Variants in SLC16A13 observed in about 807,000 individuals in gnomAD.
The protein encoded by SLC16A13 is monocarboxylate transporter 13.
SLC16A13 carries 28 observed loss-of-function variants against 28.1 expected under a neutral mutation model. The ratio of observed to expected loss-of-function variants is 1.00; its 90% CI spans 0.74 to 1.37. The LOEUF (loss-of-function observed/expected upper bound fraction) is 1.37. Ranked by LOEUF, SLC16A13 falls within the 40% of genes most tolerant of loss-of-function variation. The pLI is 0.00. For missense variants in SLC16A13, 482 were observed against 531.8 expected (o/e 0.91, Z 0.92); for synonymous variants, 228 against 241.6 (o/e 0.94, Z 0.52).
In SLC16A13 at chr17:7,038,703, C is replaced by A. The variant is rs367570030; in HGVS notation, c.895C>A (p.Pro299Thr). The change falls in exon 3 of 4, where the codon CCT becomes ACT. Residue 299 changes from proline to threonine, a missense_variant. Physicochemically the swap from Pro to Thr is conservative, Grantham distance 38. Transcript: ENST00000308027. This position sits in a 1 kb window ranked among gnomAD's most constrained non-coding sequence, Gnocchi z 5.7. ...TLTGVSLALF[P>T]VAQAPTALVA... ...GACTGGGGTGTCACTAGCCCTGTTC[C>A]CTGTAGCTCAGGCTCCCACAGCCCT... The A allele has an allele frequency of 1.2e-4, 190 of 1,614,072 alleles. No homozygotes were observed. The highest frequency in any genetic ancestry group is 1.6e-4 in the Non-Finnish European group (184 of 1,180,036).
Position 7,036,204 on chromosome 17 carries a change from G to T in SLC16A13, c.-179G>T. On this transcript the variant is annotated 5_prime_UTR_variant, in exon 1 of 4. Coordinates refer to ENST00000308027, the MANE Select transcript of SLC16A13 (RefSeq NM_201566.3). Reference sequence around the variant, plus strand: ...CAGGTCTTCAGTCCTATATCGCCCCGCCTTGGGAAAAGGTGCAGGGGCCTC... The same window carrying T: ...CAGGTCTTCAGTCCTATATCGCCCCTCCTTGGGAAAAGGTGCAGGGGCCTC... 1 of 628,798 alleles carries T rather than the reference G, an allele frequency of 1.6e-6. No homozygotes were observed. Among genetic ancestry groups the T allele is most frequent in the Non-Finnish European group, 2.7e-6 (1 of 365,968 alleles). The allele number at this position is 628,798 out of a possible 1,614,324, so 39.0% of individuals were successfully genotyped here.
rs1567731889 is a variant in SLC16A13 at position 7,036,409 on chromosome 17, C to A, written c.27C>A (p.Asp9Glu). MARRTEPP[D>E]GGWGWVVVLS... is the part of the protein sequence containing the mutation. The stretch of plus-strand genomic sequence containing the variant: ...TGGCGCGCAGGACAGAGCCCCCCGA[C>A]GGGGGCTGGGGATGGGTGGTGGTGC... The change falls in exon 1 of 4, where the codon GAC becomes GAA. Residue 9 changes from aspartate (D) to glutamate (E), a missense_variant. Coordinates refer to ENST00000308027, the MANE Select transcript of SLC16A13 (RefSeq NM_201566.3). 1 of 1,611,482 alleles carries A rather than the reference C, an allele frequency of 6.2e-7. No homozygotes were observed. The highest frequency in any genetic ancestry group is 8.5e-7 in the Non-Finnish European group (1 of 1,179,796).
intron 1 of SLC16A13, 44 bp from the exon 2 acceptor site, chr17:7,036,683 G>T (rs776125641): frequency 3.7e-6 from 6 of 1,606,940 alleles, no homozygotes; most frequent in Admixed American, 3.3e-5. Flanking sequence ...TGCTGGGGGG[G>T]AGACCCCTGA....
rs1367676514 is a variant in SLC16A13, at chr17:7,038,454, T to C, written c.646T>C (p.Phe216Leu). ...QLTSLLHHGP[F>L]LRYTVALTLI... ...CACCTCTCTCCTCCATCATGGCCCC[T>C]TCCTCCGTTACACTGTTGCCCTCAC... is the stretch of plus-strand genomic sequence containing the variant. The change falls in exon 3 of 4, where the codon TTC becomes CTC. Residue 216 changes from phenylalanine (F) to leucine (L), a missense_variant. By Grantham distance (22) the Phe-to-Leu change is conservative. Coordinates refer to ENST00000308027, the MANE Select transcript of SLC16A13 (RefSeq NM_201566.3). The surrounding 1 kb of genome is among the most constrained non-coding windows in gnomAD (Gnocchi z 5.7). 5 of 1,613,848 alleles carry C rather than the reference T, an allele frequency of 3.1e-6. No homozygotes were observed. Among genetic ancestry groups the C allele is most frequent in the Non-Finnish European group, 4.2e-6 (5 of 1,179,884 alleles).
rs1910586375 is a variant in SLC16A13, at chr17:7,036,593, G to T, written c.199+12G>T. ...GCAGCAGTTTGGGAGTGAGTGCGGC[G>T]CCTGGATCTGGCGGACTGCGACCCT... On this transcript the variant is annotated intron_variant, in intron 1 of 3. Coordinates refer to ENST00000308027, the MANE Select transcript of SLC16A13 (RefSeq NM_201566.3). 6.2e-7 allele frequency: 1 copy of T among 1,612,144 alleles called. No individual in the cohort carries two copies. The highest frequency in any genetic ancestry group is 8.5e-7 in the Non-Finnish European group (1 of 1,179,990).
Position 7,039,999 on chromosome 17 carries a change from C to T in SLC16A13, c.*37C>T. 6.3e-7 allele frequency: 1 copy of T among 1,584,356 alleles called. No homozygotes were observed. Among genetic ancestry groups the T allele is most frequent in the African/African-American group, 1.3e-5 (1 of 74,484 alleles). ...TCAGGCCCAGAAAGCCAAAGCTTGACAGCTCCAGGTCTTCTCTTGCCACGT... is the reference window on the plus strand; with the variant it reads ...TCAGGCCCAGAAAGCCAAAGCTTGATAGCTCCAGGTCTTCTCTTGCCACGT... On this transcript the variant is annotated 3_prime_UTR_variant, in exon 4 of 4. Transcript: ENST00000308027. The surrounding 1 kb of genome is among the most constrained non-coding windows in gnomAD (Gnocchi z 4.3).
Position 7,036,387 on chromosome 17 carries a change from C to G in SLC16A13, c.5C>G (p.Ala2Gly), listed in dbSNP as rs762782545. Reference protein sequence around the residue: MARRTEPPDGGW... With the variant: MGRRTEPPDGGW... ...AGCAGCCCTGTTACCGCTTAGATGG[C>G]GCGCAGGACAGAGCCCCCCGACGGG... Residue 2 changes from alanine (A) to glycine (G), a missense_variant, in exon 1 of 4, where the codon GCG becomes GGG. Ala to Gly is a moderately conservative substitution (Grantham distance 60, BLOSUM62 0). Transcript: ENST00000308027. 13 of 1,605,072 alleles carry G rather than the reference C, an allele frequency of 8.1e-6. No homozygotes were observed. In the African/African-American group the frequency reaches 1.5e-4, roughly 18 times the overall value.
rs1161404937 is a variant in SLC16A13, at chr17:7,039,035, A to G, written c.1081+146A>G. 9.3e-7 allele frequency: 1 copy of G among 1,072,046 alleles called. No individual in the cohort carries two copies. The highest frequency in any genetic ancestry group is 1.3e-6 in the Non-Finnish European group (1 of 770,208). 66.4% of individuals were successfully genotyped at this position (1,072,046 alleles called of 1,614,324 possible). ...CGTGGCCAACCATAGCATCCCTGAA[A>G]TGGGTCCATGGGGCAAAGAACTTGG... is the stretch of plus-strand genomic sequence containing the variant. On this transcript the variant is annotated intron_variant, in intron 3 of 3. Transcript: ENST00000308027. The surrounding 1 kb of genome is among the most constrained non-coding windows in gnomAD (Gnocchi z 4.3).
Position 7,036,360 on chromosome 17 carries a change from G to A in SLC16A13, c.-23G>A. 1.3e-6 allele frequency: 2 copies of A among 1,590,646 alleles called. No homozygotes were observed. Among genetic ancestry groups the A allele is most frequent in the South Asian group, 1.1e-5 (1 of 89,516 alleles). On this transcript the variant is annotated 5_prime_UTR_variant, in exon 1 of 4. Coordinates refer to ENST00000308027, the MANE Select transcript of SLC16A13 (RefSeq NM_201566.3). ...CCGGCTCCTGCAGAGGCTCTGGGTG[G>A]CAGCAGCCCTGTTACCGCTTAGATG...
At position 7,038,178 on chromosome 17, in the gene SLC16A13, C is replaced by T. The variant is rs866889554; in HGVS notation, c.370C>T (p.Pro124Ser). 1 of 1,613,684 alleles carries T rather than the reference C, an allele frequency of 6.2e-7. No homozygotes were observed. Among genetic ancestry groups the T allele is most frequent in the Non-Finnish European group, 8.5e-7 (1 of 1,179,868 alleles). The change falls in exon 3 of 4, where the codon CCG becomes TCG. Residue 124 changes from proline to serine, a missense_variant. Physicochemically the swap from Pro to Ser is moderately conservative, Grantham distance 74. Coordinates refer to ENST00000308027, the MANE Select transcript of SLC16A13 (RefSeq NM_201566.3). This position sits in a 1 kb window ranked among gnomAD's most constrained non-coding sequence, Gnocchi z 5.7. ...CTCTGGCTGGGCTTTGACCTTCGCT[C>T]CGACCCTGGCCTGCCTGTCCTGTTA... ...SGSGWALTFA[P>S]TLACLSCYFS...
rs902509441 is a variant in SLC16A13 at position 7,036,458 on chromosome 17, C to T, written c.76C>T (p.Leu26Phe). 1.1e-5 allele frequency: 17 copies of T among 1,612,224 alleles called. 1 individual carries two copies. Among genetic ancestry groups the T allele is most frequent in the Admixed American group, 5.0e-5 (3 of 60,014 alleles). Residue 26 changes from leucine to phenylalanine, a missense_variant, in exon 1 of 4, where the codon CTT becomes TTT. By Grantham distance (22) the Leu-to-Phe change is conservative (BLOSUM62 0). Transcript: ENST00000308027. ...GCTCTCAGCGTTCTTCCAGTCGGCGCTTGTGTTTGGGGTGCTCCGCTCCTT... is the reference window on the plus strand; with the variant it reads ...GCTCTCAGCGTTCTTCCAGTCGGCGTTTGTGTTTGGGGTGCTCCGCTCCTT... ...VVLSAFFQSA[L>F]VFGVLRSFGV...
rs1355287946 is a variant in SLC16A13 at position 7,038,409 on chromosome 17, G to A, written c.601G>A (p.Gly201Ser). The change falls in exon 3 of 4, where the codon GGT (glycine) becomes AGT (serine). Residue 201 changes from glycine to serine, a missense_variant. Coordinates refer to ENST00000308027, the MANE Select transcript of SLC16A13 (RefSeq NM_201566.3). This position sits in a 1 kb window ranked among gnomAD's most constrained non-coding sequence, Gnocchi z 5.7. Reference sequence around the variant, plus strand: ...CTCCCTGGCTGAGGACCCTGCTGTGGGTGGTCCCAGGGCCCAACTCACCTC... The same window carrying A: ...CTCCCTGGCTGAGGACCCTGCTGTGAGTGGTCCCAGGGCCCAACTCACCTC... ...PPSLAEDPAV[G>S]GPRAQLTSLL... is the part of the protein sequence containing the mutation. 6.2e-7 allele frequency: 1 copy of A among 1,614,094 alleles called. No homozygotes were observed. The highest frequency in any genetic ancestry group is 1.7e-5 in the Admixed American group (1 of 60,014).
intron 2 of SLC16A13, among the ~76,000 whole-genome samples, chr17:7,037,435 T>C (rs1910613150): frequency 9.0e-6 from 1 of 111,134 alleles, no homozygotes; most frequent in Non-Finnish European, 2.0e-5. Context: ...TACTATAAAA[T>C]GGTGCTAGGG....
rs1475773052 is a variant in SLC16A13 at position 7,036,413 on chromosome 17, G to C, written c.31G>C (p.Gly11Arg). MARRTEPPDG[G>R]WGWVVVLSAF... is the part of the protein sequence containing the mutation. ...GCGCAGGACAGAGCCCCCCGACGGG[G>C]GCTGGGGATGGGTGGTGGTGCTCTC... is the stretch of plus-strand genomic sequence containing the variant. The change falls in exon 1 of 4, where the codon GGC (glycine) becomes CGC (arginine). Residue 11 changes from glycine to arginine, a missense_variant. Gly to Arg is a moderately radical substitution (Grantham distance 125). Coordinates refer to ENST00000308027, the MANE Select transcript of SLC16A13 (RefSeq NM_201566.3). The C allele has an allele frequency of 6.2e-7, 1 of 1,611,812 alleles. No homozygotes were observed.
Position 7,038,756 on chromosome 17 carries a change from C to A in SLC16A13, c.948C>A (p.Phe316Leu), listed in dbSNP as rs750729589. 7 of 1,613,948 alleles carry A rather than the reference C, an allele frequency of 4.3e-6. No homozygotes were observed. In the Admixed American group the frequency reaches 1.0e-4, roughly 23 times the overall value. The change falls in exon 3 of 4, where the codon TTC (phenylalanine) becomes TTA (leucine). Residue 316 changes from phenylalanine to leucine, a missense_variant. Transcript: ENST00000308027. This position sits in a 1 kb window ranked among gnomAD's most constrained non-coding sequence, Gnocchi z 5.7. ...ALVALAVAYGFTSGALAPLAF... is the reference protein window; with the variant it reads ...ALVALAVAYGLTSGALAPLAF... ...TGGCTCTGGCTGTGGCCTACGGCTT[C>A]ACATCAGGGGCTCTGGCCCCACTGG...
chr17:7,038,915 G>A lies in SLC16A13; in HGVS notation c.1081+26G>A, dbSNP rs149801376. 1.4e-3 allele frequency: 2,263 copies of A among 1,579,678 alleles called. 28 individuals carry two copies. In the African/African-American group the frequency reaches 0.026, roughly 18 times the overall value. Reference sequence around the variant, plus strand: ...GTAAGTGGAATGGGGTTCCCAGGGGGTGAGGGCTGCCATGTTGCACAACTA... The same window carrying A: ...GTAAGTGGAATGGGGTTCCCAGGGGATGAGGGCTGCCATGTTGCACAACTA... On this transcript the variant is annotated intron_variant, in intron 3 of 3. Transcript: ENST00000308027. The surrounding 1 kb of genome is among the most constrained non-coding windows in gnomAD (Gnocchi z 5.7).
In SLC16A13 at chr17:7,040,084, G is replaced by A. The variant is rs531681447; in HGVS notation, c.*122G>A. The A allele has an allele frequency of 1.2e-5, 10 of 840,858 alleles. No homozygotes were observed. In the African/African-American group the frequency reaches 1.7e-4, roughly 14 times the overall value. 52.1% of individuals were successfully genotyped at this position (840,858 alleles called of 1,614,324 possible). The stretch of plus-strand genomic sequence containing the variant: ...CTTGATCTGCCTCCCCCTAGAGCAG[G>A]CCTGGGGCTCCTGCAATGTGTGTGC... On this transcript the variant is annotated 3_prime_UTR_variant, in exon 4 of 4. Coordinates refer to ENST00000308027, the MANE Select transcript of SLC16A13 (RefSeq NM_201566.3).
intron 2 of SLC16A13, among the ~76,000 whole-genome samples, chr17:7,037,807 G>C (rs1910624453): frequency 6.6e-6 from 1 of 152,128 alleles, no homozygotes; most frequent in Non-Finnish European, 1.5e-5. Context: ...CTGGGGAAAA[G>C]CTTTAAAGCT....
rs750261369 is a variant in SLC16A13 at position 7,038,943 on chromosome 17, G to A, written c.1081+54G>A. ...AGGGCTGCCATGTTGCACAACTAGG[G>A]GAGGGTACTATTCTCATTACAGTGT... On this transcript the variant is annotated intron_variant, in intron 3 of 3. Coordinates refer to ENST00000308027, the MANE Select transcript of SLC16A13 (RefSeq NM_201566.3). The surrounding 1 kb of genome is among the most constrained non-coding windows in gnomAD (Gnocchi z 5.7). 97 of 1,553,752 alleles carry A rather than the reference G, an allele frequency of 6.2e-5. No individual in the cohort carries two copies. Among genetic ancestry groups the A allele is most frequent in the Non-Finnish European group, 7.9e-5 (91 of 1,153,676 alleles).
Sources: allele counts gnomAD v4.1 joint callset (sites outside exome capture counted in the v4.1 genomes callset), GRCh38; gene constraint gnomAD v4.1.1; non-coding constraint Gnocchi (gnomAD v3.1); transcripts MANE v1.5; gene names NCBI Gene and HGNC (gene_info 2026-07-23, HGNC 2026-07-21).